Variants in FGGY observed in about 807,000 individuals in gnomAD.
FGGY encodes FGGY carbohydrate kinase domain containing.
FGGY carries 72 observed loss-of-function variants against 71.3 expected under a neutral mutation model. That is an observed-to-expected ratio of 1.01 (90% CI 0.84 to 1.23). The LOEUF is 1.23. FGGY is among the 50% of genes most tolerant of loss of function. The pLI is 0.00. For synonymous variants in FGGY, 251 were observed against 250.3 expected (o/e 1.00, Z -0.02); for missense variants, 668 against 682.3 (o/e 0.98, Z 0.23).
intron 9 of FGGY, among the ~76,000 whole-genome samples, chr1:59,614,974 A>G (rs1013002444): frequency 2.6e-5 from 4 of 152,328 alleles, no homozygotes; most frequent in Non-Finnish European, 5.9e-5. Context: ...GGAGAACTAC[A>G]AACCACTGCT....
At chr1:59,601,116 C>T (rs1242134646) in intron 8 of FGGY, among the ~76,000 whole-genome samples, 2 of 152,010 alleles carry the variant, frequency 1.3e-5, no homozygotes, top group Non-Finnish European at 2.9e-5. Context: ...ATACCCGGTC[C>T]CACACATGCC....
chr1:59,660,319 A>G, intron 12 of FGGY, 26 bp downstream of exon 12: 1 of 1,598,634 alleles, frequency 6.3e-7, no homozygotes, highest in Non-Finnish European at 8.6e-7. Context: ...GCCATTTTTA[A>G]AGAGACTTAG....
intron 9 of FGGY, among the ~76,000 whole-genome samples, chr1:59,623,576 C>T (rs2096830477): frequency 6.6e-6 from 1 of 152,110 alleles, no homozygotes; most frequent in African/African-American, 2.4e-5. Context: ...CAGTCCGTTA[C>T]CATTCAAATC....
At chr1:59,658,606 A>G (rs1289350587) in intron 11 of FGGY, among the ~76,000 whole-genome samples, 1 of 152,236 alleles carries the variant, frequency 6.6e-6, no homozygotes, top group Non-Finnish European at 1.5e-5. Flanking sequence ...GGGCGAGCCC[A>G]GGAAGAAGCA....
At chr1:59,467,908 T>G (rs1453609467) in intron 6 of FGGY, among the ~76,000 whole-genome samples, 1 of 127,276 alleles carries the variant, frequency 7.9e-6, no homozygotes, top group Non-Finnish European at 1.8e-5. Context: ...TTTGTTTTGT[T>G]TTGTTTTTTT....
chr1:59,647,855 G>C (rs60637284), intron 11 of FGGY, among the ~76,000 whole-genome samples: 2 of 116,888 alleles, frequency 1.7e-5, no homozygotes, highest in African/African-American at 6.9e-5. Flanking sequence ...CCACTAACTC[G>C]TCATCTAGCA....
At chr1:59,506,774 G>C (rs1039155117) in intron 6 of FGGY, among the ~76,000 whole-genome samples, 1 of 151,854 alleles carries the variant, frequency 6.6e-6, no homozygotes, top group Non-Finnish European at 1.5e-5. Context: ...ACTCCATCCT[G>C]GGCAACAGAG....
chr1:59,498,217 A>G (rs2094108453), intron 6 of FGGY, among the ~76,000 whole-genome samples: 1 of 151,722 alleles, frequency 6.6e-6, no homozygotes, highest in Non-Finnish European at 1.5e-5. Context: ...AAATATGTGT[A>G]TTTTACAAAT....
chr1:59,508,843 G>A (rs1460927387), intron 6 of FGGY, among the ~76,000 whole-genome samples: 1 of 152,204 alleles, frequency 6.6e-6, no homozygotes, highest in Non-Finnish European at 1.5e-5. Context: ...TTTTCCAGAA[G>A]CAAAGGCTGA....
chr1:59,651,295 C>T (rs544382575), intron 11 of FGGY, among the ~76,000 whole-genome samples: 2 of 151,826 alleles, frequency 1.3e-5, no homozygotes, highest in Admixed American at 1.3e-4. Flanking sequence ...GAGTTCAATT[C>T]CTGGGTATCC....
intron 5 of FGGY, among the ~76,000 whole-genome samples, chr1:59,437,411 AC>A (rs1339098209): frequency 6.6e-6 from 1 of 152,230 alleles, no homozygotes; most frequent in Non-Finnish European, 1.5e-5. Context: ...CGCAGTCTGC[AC>A]CCCTTTAGAC....
rs56061682 is a variant in FGGY, at chr1:59,745,041, T to G, written c.1513-12890T>G. On this transcript the variant is annotated intron_variant, in intron 14 of 15. Coordinates refer to ENST00000303721, the MANE Select transcript of FGGY (RefSeq NM_018291.5). Reference sequence around the variant, plus strand: ...CTCTATCTGTCTGACCTCTGCTCTCTCTATGCTCCTGGCTTCTAGCCCTTC... The same window carrying G: ...CTCTATCTGTCTGACCTCTGCTCTCGCTATGCTCCTGGCTTCTAGCCCTTC... 2.8e-3 allele frequency among the ~76,000 whole-genome samples: 421 copies of G among 152,366 alleles called. 3 individuals carry two copies. The highest frequency in any genetic ancestry group is 8.4e-3 in the African/African-American group (350 of 41,586).
intron 4 of FGGY, among the ~76,000 whole-genome samples, chr1:59,367,132 G>A (rs756619774): frequency 6.6e-6 from 1 of 152,188 alleles, no homozygotes; most frequent in Non-Finnish European, 1.5e-5. Flanking sequence ...GAAGCTTTAT[G>A]TTTTTAGAAA....
chr1:59,452,523 T>G (rs2091285794), intron 5 of FGGY, among the ~76,000 whole-genome samples: 1 of 152,250 alleles, frequency 6.6e-6, no homozygotes. Flanking sequence ...TTTCTACTTC[T>G]GTGGGACTTG....
At chr1:59,325,255 G>A (rs1450084450) in intron 2 of FGGY, among the ~76,000 whole-genome samples, 4 of 152,174 alleles carry the variant, frequency 2.6e-5, no homozygotes, top group African/African-American at 4.8e-5. Flanking sequence ...TACTTGGGAG[G>A]CTGAGGCAGG....
chr1:59,302,047 A>G (rs1176909791), intron 1 of FGGY, among the ~76,000 whole-genome samples: 1 of 151,648 alleles, frequency 6.6e-6, no homozygotes, highest in Non-Finnish European at 1.5e-5. Context: ...GATCATTTAT[A>G]TTTTTAAAAA....
chr1:59,592,548 A>G (rs1475537674), intron 8 of FGGY, among the ~76,000 whole-genome samples: 1 of 152,212 alleles, frequency 6.6e-6, no homozygotes, highest in African/African-American at 2.4e-5. Context: ...ATGTCCAACA[A>G]TGATAGACTG....
At chr1:59,432,215 A>G (rs1220305047) in intron 5 of FGGY, among the ~76,000 whole-genome samples, 1 of 152,046 alleles carries the variant, frequency 6.6e-6, no homozygotes, top group African/African-American at 2.4e-5. Flanking sequence ...CTTCCCACAT[A>G]CCTTGCCCTA....
chr1:59,525,310 G>A (rs2094947279), intron 7 of FGGY, among the ~76,000 whole-genome samples: 1 of 152,146 alleles, frequency 6.6e-6, no homozygotes, highest in South Asian at 2.1e-4. Context: ...GGCGTGAGCT[G>A]AGCCCAGCCT....
Sources: gnomAD v4.1 joint callset for allele counts (sites outside exome capture counted in the v4.1 genomes callset) on GRCh38, gnomAD v4.1.1 for gene constraint, MANE v1.5 for transcripts, NCBI Gene and HGNC (gene_info 2026-07-23, HGNC 2026-07-21) for gene names.